Variants in ZNF503 observed in about 807,000 individuals in gnomAD.
The protein encoded by ZNF503 is zinc finger protein 503, also known as NocA-like zinc finger 2.
A neutral mutation model predicts 34.4 loss-of-function variants in ZNF503; 15 were observed. The ratio of observed to expected loss-of-function variants is 0.44; its 90% CI spans 0.29 to 0.67. The LOEUF (loss-of-function observed/expected upper bound fraction) is 0.67, where lower values mean the gene tolerates loss of function less well. Ranked by LOEUF, ZNF503 falls within the 30% of genes least tolerant of loss-of-function variation. ZNF503 has a pLI of 0.13. For synonymous variants in ZNF503, 580 were observed against 456.8 expected (o/e 1.27, Z -3.44); for missense variants, 1,007 against 926.8 (o/e 1.09, Z -1.12).
chr10:75,312,892 A>G, the ZNF503 span, among the ~76,000 whole-genome samples: 1 of 152,136 alleles, frequency 6.6e-6, no homozygotes, highest in Non-Finnish European at 1.5e-5. Flanking sequence ...GGAGATAATT[A>G]AGTGAGTTTC....
chr10:75,319,779 G>A, the ZNF503 span, among the ~76,000 whole-genome samples: 137 of 152,282 alleles, frequency 9.0e-4, no homozygotes, highest in African/African-American at 2.1e-3. Context: ...CAGGTTTACC[G>A]TAAAAGGCTA....
At chr10:75,338,163 A>G in the ZNF503 span, 1 of 152,242 alleles carries the variant, frequency 6.6e-6, no homozygotes, top group African/African-American at 2.4e-5. Flanking sequence ...TTGTAATCAT[A>G]ACGTCTTTAT....
the ZNF503 span, among the ~76,000 whole-genome samples, chr10:75,325,514 A>G: frequency 6.6e-6 from 1 of 152,260 alleles, no homozygotes; most frequent in South Asian, 2.1e-4. Flanking sequence ...TGATTACTGT[A>G]GCTTTAGAGT....
At chr10:75,362,822 C>G in the ZNF503 span, among the ~76,000 whole-genome samples, 9 of 152,134 alleles carry the variant, frequency 5.9e-5, no homozygotes, top group African/African-American at 1.9e-4. Flanking sequence ...GGGGGAACCA[C>G]TGCTCAGCTT....
Position 75,399,341 on chromosome 10 carries a change from G to A in ZNF503, c.1349C>T (p.Ser450Phe). 1 of 1,605,336 alleles carries A rather than the reference G, an allele frequency of 6.2e-7. No individual in the cohort carries two copies. Among genetic ancestry groups the A allele is most frequent in the Non-Finnish European group, 8.5e-7 (1 of 1,177,796 alleles). ...CGCAGCAGCCGGATCATGTGCGCAA[G>A]AAGCGCTGGCGGCCGCCGCCCCTGC... ...HLAGAAAASA[S>F]CAHDPAAAAA... The change falls in exon 2 of 2, where the codon TCT becomes TTT. Residue 450 changes from serine (S) to phenylalanine (F), a missense_variant. Coordinates refer to ENST00000372524, the MANE Select transcript of ZNF503 (RefSeq NM_032772.6).
chr10:75,303,373 A>G, the ZNF503 span, among the ~76,000 whole-genome samples: 8 of 152,322 alleles, frequency 5.3e-5, no homozygotes, highest in Middle Eastern at 3.4e-3. Flanking sequence ...ATAGTTGGAA[A>G]GTGGTTCTGG....
chr10:75,388,949 G>T, the ZNF503 span, among the ~76,000 whole-genome samples: 1 of 152,260 alleles, frequency 6.6e-6, no homozygotes, highest in East Asian at 1.9e-4. Context: ...TTAAGCATGT[G>T]GACTCATTTC....
At chr10:75,324,252 AT>A in the ZNF503 span, among the ~76,000 whole-genome samples, 3 of 150,654 alleles carry the variant, frequency 2.0e-5, no homozygotes, top group Admixed American at 6.6e-5. Flanking sequence ...TTTCTCCTGT[AT>A]TTCTTCTAGA....
the ZNF503 span, among the ~76,000 whole-genome samples, chr10:75,307,049 T>G: frequency 6.6e-6 from 1 of 152,044 alleles, no homozygotes; most frequent in African/African-American, 2.4e-5. Context: ...TTCACTGGCT[T>G]CAAAATGTCC....
chr10:75,369,755 A>G, the ZNF503 span, among the ~76,000 whole-genome samples: 2 of 152,220 alleles, frequency 1.3e-5, no homozygotes, highest in Non-Finnish European at 2.9e-5. Context: ...TAAGATATGA[A>G]GGGAGAATCT....
the ZNF503 span, among the ~76,000 whole-genome samples, chr10:75,334,246 G>A: frequency 2.6e-5 from 4 of 152,060 alleles, no homozygotes; most frequent in Admixed American, 6.5e-5. Flanking sequence ...GCTGCCTCCC[G>A]GGCGGCCTAA....
At chr10:75,371,714 C>A in the ZNF503 span, among the ~76,000 whole-genome samples, 1 of 152,152 alleles carries the variant, frequency 6.6e-6, no homozygotes, top group Non-Finnish European at 1.5e-5. Context: ...ATTAAGTCCG[C>A]AGATACTCCA....
chr10:75,324,875 C>G, the ZNF503 span, among the ~76,000 whole-genome samples: 1 of 152,144 alleles, frequency 6.6e-6, no homozygotes, highest in Non-Finnish European at 1.5e-5. Context: ...TCTGTAGATT[C>G]TTTCACTTAG....
the ZNF503 span, among the ~76,000 whole-genome samples, chr10:75,300,656 G>A: frequency 3.3e-5 from 5 of 151,580 alleles, no homozygotes; most frequent in East Asian, 1.9e-4. Flanking sequence ...CCCTCCGTTC[G>A]GGGTCCCTGA....
chr10:75,289,723 C>A, the ZNF503 span, among the ~76,000 whole-genome samples: 1 of 152,010 alleles, frequency 6.6e-6, no homozygotes, highest in Non-Finnish European at 1.5e-5. Flanking sequence ...GTAGCTGGGA[C>A]TGCAGCTAAC....
intron 1 of ZNF503, chr10:75,400,892 A>C: frequency 1.4e-6 from 1 of 705,112 alleles, no homozygotes; most frequent in Non-Finnish European, 2.3e-6. Context: ...AGAAACAAGT[A>C]TTGGCAGCCT....
At chr10:75,286,182 C>T in the ZNF503 span, among the ~76,000 whole-genome samples, 1 of 151,094 alleles carries the variant, frequency 6.6e-6, no homozygotes, top group Non-Finnish European at 1.5e-5. Context: ...ACTCAGGAGG[C>T]TGAGACAGAA....
the ZNF503 span, among the ~76,000 whole-genome samples, chr10:75,342,258 A>T: frequency 1.3e-5 from 2 of 152,160 alleles, no homozygotes; most frequent in African/African-American, 4.8e-5. Flanking sequence ...CCCTTCCTCC[A>T]GACAGACGCG....
At chr10:75,293,622 G>A in the ZNF503 span, among the ~76,000 whole-genome samples, 13 of 149,136 alleles carry the variant, frequency 8.7e-5, no homozygotes, top group Middle Eastern at 3.4e-3. Flanking sequence ...TGCCCCCCCC[G>A]TCCACTCACC....
Sources: allele counts gnomAD v4.1 joint callset (sites outside exome capture counted in the v4.1 genomes callset), GRCh38; gene constraint gnomAD v4.1.1; transcripts MANE v1.5; gene names NCBI Gene and HGNC (gene_info 2026-07-23, HGNC 2026-07-21).